PCMTD2: variants seen among roughly 807,000 people sequenced by gnomAD.
PCMTD2 encodes the protein protein-L-isoaspartate O-methyltransferase domain-containing protein 2.
PCMTD2 carries 16 observed loss-of-function variants against 33.4 expected under a neutral mutation model. The observed-to-expected ratio is 0.48, with a 90% CI of 0.32 to 0.73. PCMTD2 has a LOEUF of 0.73. PCMTD2 is among the 30% of genes least tolerant of loss of function. The pLI, the probability that PCMTD2 is intolerant of heterozygous loss-of-function variation, is 0.03. For missense variants in PCMTD2, 374 were observed against 449.9 expected, an observed-to-expected ratio of 0.83 and a Z score of 1.53; for synonymous variants, 161 against 160.8, an observed-to-expected ratio of 1.00 and a Z score of -0.01.
chr20:64,269,933 A>G (rs367868305), intron 5 of PCMTD2, among the ~76,000 whole-genome samples: 2 of 125,170 alleles, frequency 1.6e-5, no homozygotes, highest in African/African-American at 6.3e-5. Context: ...GTGGTCCTGC[A>G]CGGTGTGGGG....
At chr20:64,261,021 A>T (rs189950291) in intron 2 of PCMTD2, among the ~76,000 whole-genome samples, 66 of 152,278 alleles carry the variant, frequency 4.3e-4, no homozygotes, top group Admixed American at 8.5e-4. Flanking sequence ...ACTAAGAGTA[A>T]TACCTGTAGA....
chr20:64,265,346 G>T lies in PCMTD2; in HGVS notation c.499G>T (p.Ala167Ser). ...TCAGTATGATCGTGTATACTGTGGG[G>T]CTGGCGTGCAGAAAGAGCATGAAGA... is the stretch of plus-strand genomic sequence containing the variant. ...CSQYDRVYCG[A>S]GVQKEHEEYM... The change falls in exon 4 of 6, where the codon GCT becomes TCT. Residue 167 changes from alanine (A) to serine (S), a missense_variant. Transcript: ENST00000308824. 6.2e-7 allele frequency: 1 copy of T among 1,613,406 alleles called. No individual in the cohort carries two copies. The highest frequency in any genetic ancestry group is 8.5e-7 in the Non-Finnish European group (1 of 1,179,716).
At chr20:64,259,210 C>T (rs1985290260) in intron 1 of PCMTD2, among the ~76,000 whole-genome samples, 1 of 152,080 alleles carries the variant, frequency 6.6e-6, no homozygotes, top group East Asian at 1.9e-4. Context: ...TGTCACAGTA[C>T]GTTCAATTTG....
chr20:64,275,261 C>T lies in PCMTD2; in HGVS notation c.*1661C>T, dbSNP rs753009433. On this transcript the variant is annotated 3_prime_UTR_variant, in exon 6 of 6. Coordinates refer to ENST00000308824, the MANE Select transcript of PCMTD2 (RefSeq NM_018257.3). ...AAGAGAAATGTGTGATTTTCATTTA[C>T]TTGCTGATATTTTGTAGTTTGGAGA... 3.9e-5 allele frequency: 6 copies of T among 152,086 alleles called. No homozygotes were observed. Among genetic ancestry groups the T allele is most frequent in the Non-Finnish European group, 8.8e-5 (6 of 67,976 alleles). 9.4% of individuals were successfully genotyped at this position (152,086 alleles called of 1,614,324 possible). A position where few individuals can be genotyped will look rare whatever the true frequency, so the allele number is the denominator to read the frequency against.
chr20:64,266,246 T>A (rs956870462), intron 4 of PCMTD2, among the ~76,000 whole-genome samples: 1 of 151,760 alleles, frequency 6.6e-6, no homozygotes, highest in East Asian at 1.9e-4. Context: ...ATTTATTTTT[T>A]AAATATTTAT....
Position 64,260,280 on chromosome 20 carries a change from TG to T in PCMTD2, c.307+10del. On this transcript the variant is annotated intron_variant, in intron 2 of 5. Coordinates refer to ENST00000308824, the MANE Select transcript of PCMTD2 (RefSeq NM_018257.3). ...TGGTGGGCCTCATTCTAGGTAAGTG[TG>T]GAAGGAGAGTCTGAAAACTCATCTG... The T allele has an allele frequency of 6.3e-7, 1 of 1,587,476 alleles. No individual in the cohort carries two copies. Among genetic ancestry groups the T allele is most frequent in the Non-Finnish European group, 8.6e-7 (1 of 1,157,920 alleles).
rs1986048651 is a variant in PCMTD2 at position 64,274,765 on chromosome 20, G to T, written c.*1165G>T. On this transcript the variant is annotated 3_prime_UTR_variant, in exon 6 of 6. Coordinates refer to ENST00000308824, the MANE Select transcript of PCMTD2 (RefSeq NM_018257.3). ...TATCAGCCTTCTCTGGGCCTTGTGTGTGGAGAGCTTTCTATCTTACCAAGT... is the reference window on the plus strand; with the variant it reads ...TATCAGCCTTCTCTGGGCCTTGTGTTTGGAGAGCTTTCTATCTTACCAAGT... 1 of 152,248 alleles carries T rather than the reference G, an allele frequency of 6.6e-6. No individual in the cohort carries two copies. The allele number at this position is 152,248 out of a possible 1,614,324, so 9.4% of individuals were successfully genotyped here.
intron 5 of PCMTD2, chr20:64,272,200 C>T (rs780761380): frequency 5.7e-6 from 2 of 349,986 alleles, no homozygotes; most frequent in South Asian, 2.2e-5. Context: ...AGTGGAGATG[C>T]TGAGATTCTG....
At chr20:64,267,862 T>C (rs1985721720) in intron 4 of PCMTD2, 25 bp from the exon 5 acceptor site, 2 of 1,606,044 alleles carry the variant, frequency 1.2e-6, no homozygotes, top group Admixed American at 3.4e-5. Flanking sequence ...TTCTTTTGAA[T>C]ATTCTCATTT....
At chr20:64,256,151 C>T (rs1985156766) in intron 1 of PCMTD2, among the ~76,000 whole-genome samples, 1 of 152,234 alleles carries the variant, frequency 6.6e-6, no homozygotes, top group African/African-American at 2.4e-5. Context: ...TCCAGACCTG[C>T]AGCTTGTCTT....
At position 64,273,737 on chromosome 20, in the gene PCMTD2, T is replaced by TTTC. The variant is rs3077808; in HGVS notation, c.*142_*144dup. On this transcript the variant is annotated 3_prime_UTR_variant, in exon 6 of 6. Coordinates refer to ENST00000308824, the MANE Select transcript of PCMTD2 (RefSeq NM_018257.3). The stretch of plus-strand genomic sequence containing the variant: ...CTGCTGGGCTCATCCACACCATGGT[T>TTTC]TTCTTCTAGTTCCTGATTGACCTCT... The TTTC allele has an allele frequency of 0.19, 111,395 of 586,682 alleles. 13,793 individuals carry two copies. The highest frequency in any genetic ancestry group is 0.45 in the African/African-American group (23,801 of 53,014). 36.3% of individuals were successfully genotyped at this position (586,682 alleles called of 1,614,324 possible).
intron 5 of PCMTD2, among the ~76,000 whole-genome samples, chr20:64,269,200 GGTGAATCT>G (rs1393005911): frequency 6.6e-6 from 1 of 152,172 alleles, no homozygotes; most frequent in Non-Finnish European, 1.5e-5. Flanking sequence ...TCGGGTGGAG[GGTGAATCT>G]GTCAAATGCG....
chr20:64,264,402 A>G (rs770628080), intron 2 of PCMTD2, 27 bp from the exon 3 acceptor site: 2 of 1,103,148 alleles, frequency 1.8e-6, no homozygotes, highest in South Asian at 2.5e-5. Context: ...CTGGTTCTAC[A>G]TGTTTTCTTA....
At chr20:64,262,340 T>TA (rs1464589872) in intron 2 of PCMTD2, among the ~76,000 whole-genome samples, 2 of 152,222 alleles carry the variant, frequency 1.3e-5, no homozygotes, top group Non-Finnish European at 1.5e-5. Flanking sequence ...TCCAACTTGA[T>TA]ACAGTTGCTT....
At chr20:64,258,657 T>C (rs1985268293) in intron 1 of PCMTD2, 1 of 152,232 alleles carries the variant, frequency 6.6e-6, no homozygotes, top group South Asian at 2.1e-4. Flanking sequence ...ACAGTATTTC[T>C]TTACGATCCT....
intron 1 of PCMTD2, among the ~76,000 whole-genome samples, chr20:64,259,142 C>T (rs781742665): frequency 1.3e-5 from 2 of 152,168 alleles, no homozygotes; most frequent in East Asian, 1.9e-4. Flanking sequence ...GTAGCAGCCC[C>T]TCCTACACTT....
At chr20:64,267,408 T>C (rs1985706560) in intron 4 of PCMTD2, among the ~76,000 whole-genome samples, 1 of 152,254 alleles carries the variant, frequency 6.6e-6, no homozygotes, top group South Asian at 2.1e-4. Flanking sequence ...ACAGGGATTC[T>C]GTAACAGTAT....
intron 1 of PCMTD2, 169 bp from the exon 2 acceptor site, chr20:64,259,773 C>G: frequency 1.9e-6 from 1 of 530,684 alleles, no homozygotes; most frequent in Admixed American, 3.5e-5. Flanking sequence ...ATTTTTTTTC[C>G]TTCTAAATCT....
chr20:64,270,413 G>A (rs1985864536), intron 5 of PCMTD2, among the ~76,000 whole-genome samples: 1 of 151,370 alleles, frequency 6.6e-6, no homozygotes, highest in Non-Finnish European at 1.5e-5. Flanking sequence ...ACGGTGTGGG[G>A]TGAGTGTGGG....
Sources: gnomAD v4.1 joint callset for allele counts (sites outside exome capture counted in the v4.1 genomes callset) on GRCh38, gnomAD v4.1.1 for gene constraint, MANE v1.5 for transcripts, NCBI Gene and HGNC (gene_info 2026-07-23, HGNC 2026-07-21) for gene names.